Variants in MIOS observed in about 807,000 individuals in gnomAD.
MIOS encodes GATOR2 complex protein MIOS.
Under a neutral mutation model 96.9 loss-of-function variants are expected in MIOS, and 52 were observed. That is an observed-to-expected ratio of 0.54 (90% CI 0.43 to 0.68). The LOEUF (loss-of-function observed/expected upper bound fraction) is 0.68. Ranked by LOEUF, MIOS falls within the 30% of genes least tolerant of loss-of-function variation. MIOS has a pLI of 0.00. For missense variants in MIOS, 1,005 were observed against 1,052.8 expected (o/e 0.95, Z 0.63); for synonymous variants, 397 against 359.5 (o/e 1.10, Z -1.18).
chr7:7,581,627 C>A (rs1218444641), intron 5 of MIOS: 1 of 152,252 alleles, frequency 6.6e-6, no homozygotes, highest in African/African-American at 2.4e-5. Flanking sequence ...CAGTTCCTTG[C>A]AACTGTGGGA....
intron 3 of MIOS, among the ~76,000 whole-genome samples, chr7:7,568,431 G>A (rs1783227677): frequency 6.6e-6 from 1 of 152,112 alleles, no homozygotes; most frequent in Admixed American, 6.5e-5. Context: ...CCAGATTCTT[G>A]GTGATGTATG....
chr7:7,573,411 A>T lies in MIOS; in HGVS notation c.936A>T (p.Thr312=). The change falls in exon 4 of 13, where the codon ACA becomes ACT. Residue 312 remains threonine (T), a synonymous_variant. Transcript: ENST00000340080. This position sits in a 1 kb window ranked among gnomAD's most constrained non-coding sequence, Gnocchi z 5.0. ...CCATTGGGGATGAAACTGAACCCAC[A>T]ATAATTGAAAGAAGTGTGCAACCTT... The part of the protein sequence containing the change: ...PTPIGDETEP[T]IIERSVQPCD... 6.2e-7 allele frequency: 1 copy of T among 1,614,126 alleles called. No homozygotes were observed. The highest frequency in any genetic ancestry group is 1.1e-5 in the South Asian group (1 of 91,082).
chr7:7,602,818 T>C (rs1784418576), intron 11 of MIOS, among the ~76,000 whole-genome samples: 1 of 152,006 alleles, frequency 6.6e-6, no homozygotes, highest in African/African-American at 2.4e-5. Context: ...GACTTCAAAC[T>C]ATACTACAAG....
intron 11 of MIOS, among the ~76,000 whole-genome samples, chr7:7,603,531 A>G (rs561174886): frequency 0.012 from 1,898 of 152,366 alleles, 43 homozygotes; most frequent in African/African-American, 0.042. Flanking sequence ...CACACCAGTT[A>G]GAATGGCGAT....
rs1784557756 is a variant in MIOS, at chr7:7,607,234, T to A, written c.*142T>A. ...AATCATTCTATCAGATCAGCAGTTT[T>A]GATGTTTGAGTGATTTTGATATGCT... On this transcript the variant is annotated 3_prime_UTR_variant, in exon 13 of 13. Transcript: ENST00000340080. 1.7e-6 allele frequency: 1 copy of A among 603,290 alleles called. No individual in the cohort carries two copies. The allele number at this position is 603,290 out of a possible 1,614,324, so 37.4% of individuals were successfully genotyped here.
chr7:7,589,559 T>C lies in MIOS; in HGVS notation c.2039T>C (p.Leu680Ser), dbSNP rs763062272. ...GTTCAAACAGCAAGTTACTGTATGT[T>C]ACAGGTCAGTGCAGTTTGACAGCAG... ...GDVQTASYCM[L>S]QGSPLDVLKD... The change falls in exon 9 of 13, where the codon TTA (leucine) becomes TCA (serine). Residue 680 changes from leucine (L) to serine (S), a missense_variant. Physicochemically the swap from Leu to Ser is moderately radical, Grantham distance 145. Around this residue, in one of 3 missense-constraint regions of MIOS, gnomAD observed 865 missense variants for 887.9 expected, o/e 0.97. Coordinates refer to ENST00000340080, the MANE Select transcript of MIOS (RefSeq NM_019005.4). 5.6e-6 allele frequency: 9 copies of C among 1,607,054 alleles called. No homozygotes were observed. Among genetic ancestry groups the C allele is most frequent in the Non-Finnish European group, 6.8e-6 (8 of 1,176,058 alleles).
chr7:7,587,964 A>T (rs1783941176), intron 7 of MIOS, among the ~76,000 whole-genome samples: 1 of 152,176 alleles, frequency 6.6e-6, no homozygotes, highest in South Asian at 2.1e-4. Flanking sequence ...TTTGCCACAA[A>T]CCACCTATAT....
At position 7,596,866 on chromosome 7, in the gene MIOS, T is replaced by G. The variant is rs1784217663; in HGVS notation, c.2401+405T>G. 2.0e-5 allele frequency among the ~76,000 whole-genome samples: 3 copies of G among 152,196 alleles called. No individual in the cohort carries two copies. In the South Asian group the frequency reaches 6.2e-4, roughly 32 times the overall value. On this transcript the variant is annotated intron_variant, in intron 11 of 12. Transcript: ENST00000340080. ...TTGACATCATTAAAGCACTTTGACA[T>G]TTCTTCCTTCATCTTCAAAACCTAC...
rs766661832 is a variant in MIOS, at chr7:7,572,845, C to G, written c.370C>G (p.Leu124Val). 2.3e-5 allele frequency: 37 copies of G among 1,614,050 alleles called. No individual in the cohort carries two copies. The highest frequency in any genetic ancestry group is 2.9e-5 in the Non-Finnish European group (34 of 1,180,022). The part of the protein sequence containing the change: ...RQCNTLAWNP[L>V]DSNWLAAGLD... ...ATGTAATACCCTTGCCTGGAATCCA[C>G]TGGATAGTAACTGGCTAGCTGCTGG... Residue 124 changes from leucine to valine, a missense_variant, in exon 4 of 13, where the codon CTG (leucine) becomes GTG (valine). Leu to Val is a conservative substitution (Grantham distance 32). This residue lies in a region of MIOS where 137 missense variants were observed against 148.6 expected (regional missense o/e 0.92). Transcript: ENST00000340080. This position sits in a 1 kb window ranked among gnomAD's most constrained non-coding sequence, Gnocchi z 4.8.
intron 7 of MIOS, among the ~76,000 whole-genome samples, chr7:7,587,284 T>A (rs569503538): frequency 6.6e-6 from 1 of 152,252 alleles, no homozygotes; most frequent in East Asian, 1.9e-4. Flanking sequence ...CCTCCCAAAG[T>A]GCTGGGATTA....
intron 3 of MIOS, among the ~76,000 whole-genome samples, chr7:7,571,893 T>C (rs1280018956): frequency 1.3e-5 from 2 of 152,238 alleles, no homozygotes; most frequent in African/African-American, 2.4e-5. Flanking sequence ...TGGTTATTTA[T>C]ATTAAAATTT....
intron 5 of MIOS, 152 bp downstream of exon 5, chr7:7,574,348 A>G: frequency 1.8e-6 from 1 of 555,654 alleles, no homozygotes; most frequent in South Asian, 2.3e-5. Context: ...TGTATTGTTG[A>G]GTTAAATGCA....
chr7:7,600,623 CTT>C (rs1224979713), intron 11 of MIOS, among the ~76,000 whole-genome samples: 12 of 152,130 alleles, frequency 7.9e-5, no homozygotes, highest in Non-Finnish European at 1.0e-4. Context: ...TAATGGGAGA[CTT>C]TAACACCCCA....
intron 5 of MIOS, 54 bp from the exon 6 acceptor site, chr7:7,583,064 A>C (rs909182389): frequency 7.2e-6 from 11 of 1,522,958 alleles, no homozygotes; most frequent in African/African-American, 1.4e-5. Context: ...AAACTGACTT[A>C]CTTTCCAAAT....
intron 5 of MIOS, among the ~76,000 whole-genome samples, chr7:7,576,072 C>CT (rs776132494): frequency 9.2e-5 from 14 of 152,242 alleles, no homozygotes; most frequent in Non-Finnish European, 1.6e-4. Flanking sequence ...CCACAGTAAC[C>CT]TAATACACAA....
chr7:7,584,409 C>T lies in MIOS; in HGVS notation c.1648+1037C>T, dbSNP rs566612087. Reference sequence around the variant, plus strand: ...GGAAATTTGGTGGTCGATTTAAACACCCATACTAACAATAGGGAAAATGTA... The same window carrying T: ...GGAAATTTGGTGGTCGATTTAAACATCCATACTAACAATAGGGAAAATGTA... On this transcript the variant is annotated intron_variant, in intron 6 of 12. Transcript: ENST00000340080. Among the ~76,000 whole-genome samples, 40 of 152,190 alleles carry T rather than the reference C, an allele frequency of 2.6e-4. No homozygotes were observed. In the South Asian group the frequency reaches 8.1e-3, roughly 31 times the overall value.
intron 11 of MIOS, 22 bp from the exon 12 acceptor site, chr7:7,605,920 A>G: frequency 6.2e-7 from 1 of 1,605,672 alleles, no homozygotes; most frequent in Non-Finnish European, 8.5e-7. Context: ...TAGTTAATGA[A>G]GATCATTTTA....
chr7:7,601,585 T>C lies in MIOS; in HGVS notation c.2402-4357T>C, dbSNP rs537831313. Among the ~76,000 whole-genome samples, 12 of 152,084 alleles carry C rather than the reference T, an allele frequency of 7.9e-5. 1 individual carries two copies. The highest frequency in any genetic ancestry group is 2.2e-4 in the African/African-American group (9 of 41,472). Reference sequence around the variant, plus strand: ...TGAAATTGAGGCAATCCTTAATAGCTTACCAACCAAAAAAAGTCCAGGACC... The same window carrying C: ...TGAAATTGAGGCAATCCTTAATAGCCTACCAACCAAAAAAAGTCCAGGACC... On this transcript the variant is annotated intron_variant, in intron 11 of 12. Transcript: ENST00000340080.
chr7:7,593,771 C>A (rs1352538265), intron 9 of MIOS, among the ~76,000 whole-genome samples: 2 of 150,550 alleles, frequency 1.3e-5, no homozygotes, highest in Non-Finnish European at 3.0e-5. Flanking sequence ...CCCTGTAATC[C>A]CAGCTACTCA....
Sources: gnomAD v4.1 joint callset for allele counts (sites outside exome capture counted in the v4.1 genomes callset) on GRCh38, gnomAD v4.1.1 for gene constraint, gnomAD v4.1.1 regional missense constraint, Gnocchi (gnomAD v3.1) non-coding constraint, MANE v1.5 for transcripts, NCBI Gene and HGNC (gene_info 2026-07-23, HGNC 2026-07-21) for gene names.